Variants in GMDS observed in about 807,000 individuals in gnomAD.
GMDS encodes GDP-mannose 4,6 dehydratase.
In GMDS, 20 loss-of-function variants were observed where a neutral mutation model predicts 49.9. The observed-to-expected ratio is 0.40, with a 90% confidence interval of 0.28 to 0.58. The LOEUF is 0.58. Among genes scored for constraint, GMDS ranks in the 20% least tolerant of loss-of-function variants. The pLI is 0.42. For missense variants in GMDS, 362 were observed against 481.4 expected, an observed-to-expected ratio of 0.75 and a Z score of 2.32; for synonymous variants, 177 against 178.6, an observed-to-expected ratio of 0.99 and a Z score of 0.07.
intron 1 of GMDS, among the ~76,000 whole-genome samples, chr6:2,210,191 G>A (rs1780001780): frequency 6.6e-6 from 1 of 152,136 alleles, no homozygotes; most frequent in Admixed American, 6.5e-5. Context: ...AAGGATGCAA[G>A]CTCTGAAACC....
At chr6:2,034,027 T>C (rs1769134570) in intron 4 of GMDS, among the ~76,000 whole-genome samples, 1 of 152,194 alleles carries the variant, frequency 6.6e-6, no homozygotes, top group Non-Finnish European at 1.5e-5. Context: ...AGTCACATGA[T>C]TTCTAACACA....
intron 9 of GMDS, among the ~76,000 whole-genome samples, chr6:1,676,737 A>G (rs2113296374): frequency 6.6e-6 from 1 of 152,332 alleles, no homozygotes; most frequent in East Asian, 1.9e-4. Context: ...ATATGTAGAA[A>G]GCTGAAACTG....
At chr6:1,756,574 C>T (rs1380326046) in intron 7 of GMDS, among the ~76,000 whole-genome samples, 2 of 152,172 alleles carry the variant, frequency 1.3e-5, no homozygotes, top group African/African-American at 4.8e-5. Flanking sequence ...GCCCGGCTGG[C>T]TGCAGCCTTT....
In GMDS at chr6:1,646,306, C is replaced by A. The variant is rs552843439; in HGVS notation, c.988-21766G>T. 2.6e-5 allele frequency among the ~76,000 whole-genome samples: 4 copies of A among 152,228 alleles called. 1 individual carries two copies. The South Asian group carries it at 8.3e-4, about 32-fold the overall frequency. On this transcript the variant is annotated intron_variant, in intron 9 of 10. Coordinates refer to ENST00000380815, the MANE Select transcript of GMDS (RefSeq NM_001500.4). ...CCTCCCGCTTCACAGACCAGCCCTC[C>A]CCTGCTCTGGGGTCCGTGCTCATTC...
At chr6:1,894,296 T>C (rs1760037780) in intron 7 of GMDS, among the ~76,000 whole-genome samples, 1 of 152,206 alleles carries the variant, frequency 6.6e-6, no homozygotes, top group Admixed American at 6.5e-5. Context: ...AATGGAAGAA[T>C]GATGGTGTAG....
chr6:1,958,727 G>A (rs916729586), intron 6 of GMDS, among the ~76,000 whole-genome samples: 8 of 152,034 alleles, frequency 5.3e-5, no homozygotes, highest in African/African-American at 2.4e-5. Context: ...AAAATTTCAC[G>A]GAAAAATTAT....
At chr6:2,180,198 A>G (rs530953886) in intron 1 of GMDS, among the ~76,000 whole-genome samples, 3 of 152,360 alleles carry the variant, frequency 2.0e-5, no homozygotes, top group East Asian at 3.9e-4. Flanking sequence ...TGTCAAAGGC[A>G]TATTTCAAAA....
At chr6:1,666,981 C>A (rs1561712667) in intron 9 of GMDS, among the ~76,000 whole-genome samples, 1 of 152,328 alleles carries the variant, frequency 6.6e-6, no homozygotes, top group East Asian at 1.9e-4. Context: ...CCTTCACAGT[C>A]TCCACAGAGC....
At chr6:1,841,453 A>T (rs868370681) in intron 7 of GMDS, among the ~76,000 whole-genome samples, 9 of 152,354 alleles carry the variant, frequency 5.9e-5, no homozygotes, top group South Asian at 2.1e-4. Flanking sequence ...ACAAGCTGAT[A>T]ACCAAATGCT....
intron 8 of GMDS, among the ~76,000 whole-genome samples, chr6:1,737,614 AAC>A (rs374497390): frequency 1.8e-4 from 26 of 145,786 alleles, no homozygotes; most frequent in South Asian, 4.3e-4. Flanking sequence ...ACACACCACA[AAC>A]ACACACACAG....
At chr6:2,159,192 G>A (rs771747977) in intron 1 of GMDS, among the ~76,000 whole-genome samples, 21 of 152,088 alleles carry the variant, frequency 1.4e-4, no homozygotes, top group Admixed American at 4.6e-4. Context: ...TTCCTTCTAC[G>A]TATAGTTGAC....
At chr6:1,733,770 T>C (rs1339759544) in intron 8 of GMDS, among the ~76,000 whole-genome samples, 1 of 151,790 alleles carries the variant, frequency 6.6e-6, no homozygotes, top group Admixed American at 6.6e-5. Flanking sequence ...GAGGATTGCT[T>C]GAACCTGGGG....
intron 7 of GMDS, among the ~76,000 whole-genome samples, chr6:1,785,051 T>G (rs913258853): frequency 6.6e-6 from 1 of 152,202 alleles, no homozygotes; most frequent in Non-Finnish European, 1.5e-5. Context: ...AGGTGGCTTT[T>G]TAGTCTAACA....
At chr6:1,859,980 G>A (rs1444694789) in intron 7 of GMDS, among the ~76,000 whole-genome samples, 1 of 152,142 alleles carries the variant, frequency 6.6e-6, no homozygotes, top group Non-Finnish European at 1.5e-5. Context: ...CTATTATACA[G>A]ATTGACCTAT....
intron 9 of GMDS, among the ~76,000 whole-genome samples, chr6:1,675,226 A>C: frequency 6.6e-6 from 1 of 152,116 alleles, no homozygotes. Flanking sequence ...TTAAATTTAA[A>C]ATTGCACTCG....
chr6:1,680,850 G>A (rs978925182), intron 9 of GMDS, among the ~76,000 whole-genome samples: 3 of 152,144 alleles, frequency 2.0e-5, no homozygotes, highest in African/African-American at 7.2e-5. Context: ...TTTCTGAAAT[G>A]GACATAAGTG....
chr6:1,645,993 C>T (rs1269948732), intron 9 of GMDS, among the ~76,000 whole-genome samples: 6 of 152,224 alleles, frequency 3.9e-5, no homozygotes, highest in African/African-American at 1.4e-4. Context: ...CTGTGCCTGG[C>T]ACGCAGAGGC....
intron 1 of GMDS, among the ~76,000 whole-genome samples, chr6:2,166,245 C>G (rs1209022323): frequency 6.6e-6 from 1 of 152,184 alleles, no homozygotes; most frequent in Non-Finnish European, 1.5e-5. Context: ...TACTGAATAT[C>G]TTCAGTTTAT....
chr6:1,960,778 G>C lies in GMDS; in HGVS notation c.534C>G (p.Pro178=), dbSNP rs138615075. ...KETTPFYPRS[P]YGAAKLYAYW... is the part of the protein sequence containing the mutation. The stretch of plus-strand genomic sequence containing the variant: ...GGTGTGCACGCATGTTCTCACCATA[G>C]GGTGACCGGGGATAGAAAGGGGTGG... The change falls in exon 5 of 11, where the codon CCC becomes CCG. Residue 178 remains proline, a synonymous_variant. Transcript: ENST00000380815. 3.7e-4 allele frequency: 590 copies of C among 1,591,748 alleles called. 1 individual carries two copies. The highest frequency in any genetic ancestry group is 3.8e-4 in the Non-Finnish European group (443 of 1,162,884).
Sources: allele counts gnomAD v4.1 joint callset (sites outside exome capture counted in the v4.1 genomes callset), GRCh38; gene constraint gnomAD v4.1.1; transcripts MANE v1.5; gene names NCBI Gene and HGNC (gene_info 2026-07-23, HGNC 2026-07-21).